The following PRMT8 variants were observed in gnomAD, a reference collection of about 807,000 sequenced individuals.
PRMT8 encodes the protein protein arginine N-methyltransferase 8.
Under a neutral mutation model 47.1 loss-of-function variants are expected in PRMT8, and 7 were observed. That is an observed-to-expected ratio of 0.15 (90% confidence interval 0.08 to 0.28). The LOEUF (loss-of-function observed/expected upper bound fraction) is 0.28, where lower values mean the gene tolerates loss of function less well. PRMT8 is among the 10% of genes least tolerant of loss of function. PRMT8 has a pLI of 1.00. For synonymous variants in PRMT8, 188 were observed against 186.5 expected (o/e 1.01, Z -0.07); for missense variants, 237 against 505.4 (o/e 0.47, Z 5.09).
At position 3,398,083 on chromosome 12, in the gene PRMT8, C is replaced by G. The variant is rs974903505; in HGVS notation, c.48+16641C>G. Among the ~76,000 whole-genome samples, 36 of 152,300 alleles carry G rather than the reference C, an allele frequency of 2.4e-4. 1 individual carries two copies. The highest frequency in any genetic ancestry group is 8.4e-4 in the African/African-American group (35 of 41,568). On this transcript the variant is annotated intron_variant, in intron 1 of 9. Coordinates refer to the PRMT8 transcript ENST00000452611. ...CTTCGGCTCGCGCACGGTGCGCGCA[C>G]CCACTGACCTGCGCCCACTGTCTGG...
At chr12:3,391,502 C>T (rs900502366) in intron 1 of PRMT8, among the ~76,000 whole-genome samples, 5 of 152,038 alleles carry the variant, frequency 3.3e-5, no homozygotes, top group Non-Finnish European at 5.9e-5. Context: ...GTCACTGGAG[C>T]GAGAGATGGG....
At position 3,508,753 on chromosome 12, in the gene PRMT8, G is replaced by A. The variant is rs1283297977; in HGVS notation, c.75+17053G>A. Among the ~76,000 whole-genome samples, 3 of 152,134 alleles carry A rather than the reference G, an allele frequency of 2.0e-5. No homozygotes were observed. Among genetic ancestry groups the A allele is most frequent in the Non-Finnish European group, 2.9e-5 (2 of 68,022 alleles). Reference sequence around the variant, plus strand: ...AGCCCACATCTCTCCTCTGAGATACGCGAGGCATAGCTGCCTGCCTGCGGG... The same window carrying A: ...AGCCCACATCTCTCCTCTGAGATACACGAGGCATAGCTGCCTGCCTGCGGG... On this transcript the variant is annotated intron_variant, in intron 1 of 9. Coordinates refer to ENST00000382622, the MANE Select transcript of PRMT8 (RefSeq NM_019854.5). The surrounding 1 kb of genome is among the most constrained non-coding windows in gnomAD (Gnocchi z 4.9).
intron 1 of PRMT8, among the ~76,000 whole-genome samples, chr12:3,533,482 T>TA: frequency 6.6e-6 from 1 of 152,250 alleles, no homozygotes. Context: ...CAGCAATCGT[T>TA]AGTGTATTTT....
Position 3,593,269 on chromosome 12 carries a change from C to A in PRMT8, c.*87C>A. ...GTCCCAAAGAATACCGTTTGCAGGA[C>A]TACACACTTGAAAACCAGAGTTTTC... On this transcript the variant is annotated 3_prime_UTR_variant, in exon 10 of 10. Transcript: ENST00000382622. This position sits in a 1 kb window ranked among gnomAD's most constrained non-coding sequence, Gnocchi z 4.8. 8.6e-7 allele frequency: 1 copy of A among 1,160,766 alleles called. No homozygotes were observed. Among genetic ancestry groups the A allele is most frequent in the Non-Finnish European group, 1.2e-6 (1 of 801,964 alleles). 71.9% of individuals were successfully genotyped at this position (1,160,766 alleles called of 1,614,324 possible). A position where few individuals can be genotyped will look rare whatever the true frequency, so the allele number is the denominator to read the frequency against.
intron 1 of PRMT8, among the ~76,000 whole-genome samples, chr12:3,394,310 C>T (rs1030257869): frequency 2.1e-4 from 32 of 152,176 alleles, no homozygotes; most frequent in Non-Finnish European, 8.8e-5. Flanking sequence ...GGAATGCTTC[C>T]AGTTTTTGCC....
At chr12:3,406,370 A>C (rs2137053677) in intron 1 of PRMT8, among the ~76,000 whole-genome samples, 1 of 152,332 alleles carries the variant, frequency 6.6e-6, no homozygotes, top group Admixed American at 6.5e-5. Context: ...TGTCTTGTTG[A>C]TTAACATTTG....
chr12:3,420,152 G>T (rs16930475), intron 1 of PRMT8, among the ~76,000 whole-genome samples: 3,424 of 152,152 alleles, frequency 0.023, 132 homozygotes, highest in African/African-American at 0.078. Flanking sequence ...GCATTGGCAC[G>T]AGCCTCAGAG....
chr12:3,462,919 A>G (rs1244889010), intron 1 of PRMT8: 6 of 151,834 alleles, frequency 4.0e-5, no homozygotes, highest in African/African-American at 4.9e-5. Context: ...TGGAAAAGAC[A>G]TGGAAAGCAT....
chr12:3,412,600 TTC>T (rs1864442180), intron 1 of PRMT8, among the ~76,000 whole-genome samples: 1 of 152,196 alleles, frequency 6.6e-6, no homozygotes, highest in African/African-American at 2.4e-5. Flanking sequence ...TATAACCTTT[TTC>T]TATTTAAAAA....
At chr12:3,401,103 C>T (rs955438657) in intron 1 of PRMT8, among the ~76,000 whole-genome samples, 5 of 133,986 alleles carry the variant, frequency 3.7e-5, no homozygotes, top group African/African-American at 1.4e-4. Context: ...GCTGAGATCG[C>T]ACCATTACAC....
chr12:3,556,699 C>T (rs1413222008), intron 4 of PRMT8, among the ~76,000 whole-genome samples: 2 of 152,114 alleles, frequency 1.3e-5, no homozygotes, highest in East Asian at 1.9e-4. Flanking sequence ...GATATGAAAA[C>T]GTGTATGTGA....
intron 1 of PRMT8, among the ~76,000 whole-genome samples, chr12:3,408,678 C>G (rs534962052): frequency 6.6e-6 from 1 of 152,222 alleles, no homozygotes; most frequent in South Asian, 2.1e-4. Context: ...ATCTGTGCAT[C>G]TGGTGGAACA....
chr12:3,455,726 G>C (rs767519980), intron 1 of PRMT8, among the ~76,000 whole-genome samples: 1 of 152,134 alleles, frequency 6.6e-6, no homozygotes, highest in Non-Finnish European at 1.5e-5. Flanking sequence ...ATTTGGCTTG[G>C]TCCTCTTGGC....
chr12:3,559,558 T>G (rs1866594707), intron 4 of PRMT8, among the ~76,000 whole-genome samples: 1 of 152,158 alleles, frequency 6.6e-6, no homozygotes, highest in Non-Finnish European at 1.5e-5. Flanking sequence ...ACCATGGAGT[T>G]TCCTCTCATT....
intron 1 of PRMT8, among the ~76,000 whole-genome samples, chr12:3,506,931 A>G (rs186066236): frequency 6.6e-6 from 1 of 152,118 alleles, no homozygotes; most frequent in East Asian, 1.9e-4. Context: ...TTATTGAGTT[A>G]AATTCCCCGT....
At chr12:3,422,494 C>T (rs1242320626) in intron 1 of PRMT8, among the ~76,000 whole-genome samples, 3 of 152,180 alleles carry the variant, frequency 2.0e-5, no homozygotes, top group Non-Finnish European at 4.4e-5. Flanking sequence ...CCCGAGTGAG[C>T]AATTCCTGTC....
intron 1 of PRMT8, among the ~76,000 whole-genome samples, chr12:3,444,428 A>C (rs2335983): frequency 0.56 from 84,728 of 152,118 alleles, 27,035 homozygotes; most frequent in East Asian, 0.81. Context: ...CCAGAGCTAG[A>C]CTTGCTAGGA....
intron 1 of PRMT8, among the ~76,000 whole-genome samples, chr12:3,539,193 C>T (rs1342969836): frequency 6.6e-6 from 1 of 152,184 alleles, no homozygotes; most frequent in Non-Finnish European, 1.5e-5. Flanking sequence ...TTACTATGTG[C>T]CAGCCTGTTC....
Position 3,529,497 on chromosome 12 carries a change from G to A in PRMT8, c.76-11109G>A, listed in dbSNP as rs540711579. On this transcript the variant is annotated intron_variant, in intron 1 of 9. Transcript: ENST00000382622. ...ACCCGCATATTACCCAGTGGCTGAC[G>A]TTATTCCCTCTCTAGCCAGAATGCC... Among the ~76,000 whole-genome samples the A allele has an allele frequency of 2.6e-4, 40 of 152,132 alleles. 1 individual carries two copies. Among genetic ancestry groups the A allele is most frequent in the Admixed American group, 2.6e-3 (40 of 15,274 alleles).
Sources: allele counts gnomAD v4.1 joint callset (sites outside exome capture counted in the v4.1 genomes callset), GRCh38; gene constraint gnomAD v4.1.1; non-coding constraint Gnocchi (gnomAD v3.1); transcripts MANE v1.5; gene names NCBI Gene and HGNC (gene_info 2026-07-23, HGNC 2026-07-21).